The following ME1 variants were observed in gnomAD, a reference collection of about 807,000 sequenced individuals.
ME1 encodes the protein malic enzyme 1, also known as NADP-dependent malic enzyme.
A neutral mutation model predicts 66.4 loss-of-function variants in ME1; 74 were observed. The ratio of observed to expected loss-of-function variants is 1.11; its 90% confidence interval spans 0.92 to 1.35. ME1 has a LOEUF of 1.35. Among genes scored for constraint, ME1 ranks in the 40% most tolerant of loss-of-function variants. ME1 has a pLI of 0.00. For synonymous variants in ME1, 251 were observed against 235.6 expected (o/e 1.07, Z -0.60); for missense variants, 750 against 694.1 (o/e 1.08, Z -0.90).
At chr6:83,258,615 T>C (rs187757135) in intron 6 of ME1, among the ~76,000 whole-genome samples, 15 of 152,308 alleles carry the variant, frequency 9.8e-5, no homozygotes, top group Admixed American at 5.9e-4. Context: ...ATGTGACAAA[T>C]ACCATATTAC....
intron 1 of ME1, among the ~76,000 whole-genome samples, chr6:83,410,947 C>T (rs140045873): frequency 1.2e-4 from 18 of 152,298 alleles, no homozygotes; most frequent in African/African-American, 4.1e-4. Flanking sequence ...CAACTACAAA[C>T]TCCCATATAC....
chr6:83,274,089 T>C (rs887183789), intron 6 of ME1, among the ~76,000 whole-genome samples: 8 of 152,224 alleles, frequency 5.3e-5, no homozygotes, highest in South Asian at 4.1e-4. Flanking sequence ...TATTGTCACC[T>C]AATGCTCTGC....
chr6:83,407,221 A>G (rs1769963264), intron 2 of ME1, among the ~76,000 whole-genome samples: 1 of 152,238 alleles, frequency 6.6e-6, no homozygotes, highest in Non-Finnish European at 1.5e-5. Flanking sequence ...CAAAGCAGTT[A>G]CAGTCGCCAT....
chr6:83,410,518 T>C (rs779820800), intron 1 of ME1, among the ~76,000 whole-genome samples: 11 of 151,720 alleles, frequency 7.3e-5, no homozygotes, highest in Non-Finnish European at 1.5e-4. Context: ...CTCCTTGGAA[T>C]GAAACAAAAT....
intron 1 of ME1, among the ~76,000 whole-genome samples, chr6:83,413,631 T>A (rs10485147): frequency 0.32 from 48,177 of 151,832 alleles, 8,005 homozygotes; most frequent in Middle Eastern, 0.49. Context: ...TTGTTTTAAG[T>A]GTCATATTTT....
intron 3 of ME1, among the ~76,000 whole-genome samples, chr6:83,354,924 T>C (rs1011587598): frequency 6.6e-6 from 1 of 152,184 alleles, no homozygotes; most frequent in Non-Finnish European, 1.5e-5. Flanking sequence ...CAGCCTAATA[T>C]TGACTCATTA....
chr6:83,405,034 T>C (rs190877460), intron 2 of ME1, among the ~76,000 whole-genome samples: 1,531 of 152,366 alleles, frequency 0.01, 16 homozygotes, highest in Admixed American at 0.017. Flanking sequence ...TTTTTTCTAA[T>C]TCTGTGAAAA....
intron 6 of ME1, among the ~76,000 whole-genome samples, chr6:83,302,176 T>C (rs1308164589): frequency 6.6e-6 from 1 of 152,192 alleles, no homozygotes; most frequent in Non-Finnish European, 1.5e-5. Flanking sequence ...CTGGAGGCCA[T>C]TATCCTTAGC....
At chr6:83,266,240 A>G (rs1441877707) in intron 6 of ME1, among the ~76,000 whole-genome samples, 1 of 152,232 alleles carries the variant, frequency 6.6e-6, no homozygotes, top group Non-Finnish European at 1.5e-5. Context: ...TGCATGTATA[A>G]CTGCTTAAAA....
At chr6:83,384,073 T>G (rs1769456772) in intron 3 of ME1, among the ~76,000 whole-genome samples, 1 of 151,916 alleles carries the variant, frequency 6.6e-6, no homozygotes, top group African/African-American at 2.4e-5. Flanking sequence ...AATCCACTGC[T>G]GGTGGGCATC....
In ME1 at chr6:83,212,009, T is replaced by C. The variant is rs772985432; in HGVS notation, c.1634A>G (p.Tyr545Cys). Residue 545 changes from tyrosine (Y) to cysteine (C), a missense_variant, in exon 14 of 14, where the codon TAT becomes TGT. Coordinates refer to ENST00000369705, the MANE Select transcript of ME1 (RefSeq NM_002395.6). ...TAGAATCTGGTCATAATCAGTACTA[T>C]ACATCTGGGAGCGGACAAATGCTTC... ...NKEAFVRSQM[Y>C]STDYDQILPD... 1.2e-6 allele frequency: 2 copies of C among 1,613,280 alleles called. No homozygotes were observed. The highest frequency in any genetic ancestry group is 2.2e-5 in the South Asian group (2 of 91,010).
chr6:83,313,773 CAG>C (rs1302543725), intron 6 of ME1, among the ~76,000 whole-genome samples: 3 of 143,254 alleles, frequency 2.1e-5, no homozygotes, highest in East Asian at 2.0e-4. Context: ...TCTCAAACTG[CAG>C]AGTTTCTCAA....
rs141481068 is a variant in ME1 at position 83,320,789 on chromosome 6, G to A, written c.601-5376C>T. Among the ~76,000 whole-genome samples, 496 of 152,182 alleles carry A rather than the reference G, an allele frequency of 3.3e-3. 2 individuals carry two copies. Among genetic ancestry groups the A allele is most frequent in the African/African-American group, 9.9e-3 (413 of 41,536 alleles). On this transcript the variant is annotated intron_variant, in intron 5 of 13. Coordinates refer to ENST00000369705, the MANE Select transcript of ME1 (RefSeq NM_002395.6). Reference sequence around the variant, plus strand: ...AAAGAAGTCTGACTACAATGTAGTCGATTACAAAGATTTATGAACAAGATA... The same window carrying A: ...AAAGAAGTCTGACTACAATGTAGTCAATTACAAAGATTTATGAACAAGATA...
chr6:83,279,828 A>C (rs777485092), intron 6 of ME1, among the ~76,000 whole-genome samples: 3 of 152,216 alleles, frequency 2.0e-5, no homozygotes, highest in Non-Finnish European at 2.9e-5. Flanking sequence ...ACACATAGGC[A>C]TATCAGAGTT....
intron 3 of ME1, among the ~76,000 whole-genome samples, chr6:83,378,839 T>C (rs1248121517): frequency 6.6e-6 from 1 of 152,056 alleles, no homozygotes; most frequent in Non-Finnish European, 1.5e-5. Context: ...CTTCCTACCA[T>C]AGTCATTAGT....
chr6:83,290,754 C>A (rs1357931579), intron 6 of ME1, among the ~76,000 whole-genome samples: 2 of 152,164 alleles, frequency 1.3e-5, no homozygotes, highest in Non-Finnish European at 2.9e-5. Flanking sequence ...GTGTGGGAGT[C>A]TAAGTCTCTT....
rs1790759736 is a variant in ME1 at position 83,253,686 on chromosome 6, A to G, written c.757T>C (p.Phe253Leu). The G allele has an allele frequency of 1.2e-6, 2 of 1,611,856 alleles. No individual in the cohort carries two copies. Among genetic ancestry groups the G allele is most frequent in the East Asian group, 2.2e-5 (1 of 44,768 alleles). Residue 253 changes from phenylalanine (F) to leucine (L), a missense_variant, in exon 7 of 14, where the codon TTT (phenylalanine) becomes CTT (leucine). Transcript: ENST00000369705. ...QFEDFANVNAFRLLNKYRNQY... is the reference protein window; with the variant it reads ...QFEDFANVNALRLLNKYRNQY... ...TTTCGATACTTGTTCAGGAGACGAA[A>G]TGCATTCACATTGGCAAAATCTTCA...
intron 6 of ME1, among the ~76,000 whole-genome samples, chr6:83,314,186 G>GA (rs1024277345): frequency 2.6e-5 from 4 of 151,580 alleles, no homozygotes; most frequent in East Asian, 1.9e-4. Context: ...TCTCTTTTCT[G>GA]AAAAAAAATG....
At chr6:83,412,298 T>C (rs1321843300) in intron 1 of ME1, among the ~76,000 whole-genome samples, 4 of 152,202 alleles carry the variant, frequency 2.6e-5, no homozygotes, top group Non-Finnish European at 5.9e-5. Context: ...TCTATACATG[T>C]ATGAAAATTC....
Sources: allele counts gnomAD v4.1 joint callset (sites outside exome capture counted in the v4.1 genomes callset), GRCh38; gene constraint gnomAD v4.1.1; transcripts MANE v1.5; gene names NCBI Gene and HGNC (gene_info 2026-07-23, HGNC 2026-07-21).